Variants in ABI3BP observed in about 807,000 individuals in gnomAD.
The protein encoded by ABI3BP is target of Nesh-SH3.
ABI3BP carries 216 observed loss-of-function variants against 268.6 expected under a neutral mutation model. The ratio of observed to expected loss-of-function variants is 0.80; its 90% CI spans 0.72 to 0.90. The LOEUF is 0.90. Ranked by LOEUF, ABI3BP falls within the 40% of genes least tolerant of loss-of-function variation. The pLI is 0.00. For synonymous variants in ABI3BP, 730 were observed against 730.0 expected (o/e 1.00, Z 0.00); for missense variants, 2,090 against 2,182.4 (o/e 0.96, Z 0.84).
chr3:100,777,648 GT>G (rs2096745012), intron 59 of ABI3BP, among the ~76,000 whole-genome samples: 1 of 152,152 alleles, frequency 6.6e-6, no homozygotes, highest in Non-Finnish European at 1.5e-5. Flanking sequence ...GTCAGGGGAG[GT>G]TTTTAAAGAA....
chr3:100,982,072 A>G (rs573028243), intron 1 of ABI3BP, among the ~76,000 whole-genome samples: 8 of 152,314 alleles, frequency 5.3e-5, no homozygotes, highest in African/African-American at 1.9e-4. Context: ...GGCACAACTT[A>G]CATGGCAGCA....
intron 1 of ABI3BP, among the ~76,000 whole-genome samples, chr3:100,942,910 T>C (rs952422534): frequency 1.3e-5 from 2 of 152,140 alleles, no homozygotes; most frequent in Admixed American, 1.3e-4. Context: ...TTTACAGATA[T>C]TCAACACAGT....
intron 4 of ABI3BP, among the ~76,000 whole-genome samples, chr3:100,897,227 G>C (rs2048132986): frequency 6.6e-6 from 1 of 152,102 alleles, no homozygotes; most frequent in Non-Finnish European, 1.5e-5. Context: ...GGAGCAATCA[G>C]AGCTCTCCTA....
chr3:100,758,558 C>T (rs1297141513), intron 63 of ABI3BP, among the ~76,000 whole-genome samples: 2 of 151,996 alleles, frequency 1.3e-5, no homozygotes, highest in Non-Finnish European at 2.9e-5. Flanking sequence ...AGGGTATAGC[C>T]CACGGGTTAT....
chr3:100,869,861 C>T (rs1343487248), intron 9 of ABI3BP, among the ~76,000 whole-genome samples: 2 of 152,172 alleles, frequency 1.3e-5, no homozygotes, highest in Non-Finnish European at 2.9e-5. Context: ...TTCTTCTGTA[C>T]ATTTTTCCAT....
intron 35 of ABI3BP, 90 bp downstream of exon 35, chr3:100,825,695 A>G: frequency 4.1e-6 from 4 of 983,932 alleles, no homozygotes; most frequent in Admixed American, 4.0e-5. Flanking sequence ...AGAGGAAGAC[A>G]TGCCATGTTA....
chr3:100,943,723 G>C (rs2070679450), intron 1 of ABI3BP, among the ~76,000 whole-genome samples: 1 of 152,116 alleles, frequency 6.6e-6, no homozygotes, highest in African/African-American at 2.4e-5. Context: ...TTTGTTGCAT[G>C]CATCAGTAGC....
rs1259962801 is a variant in ABI3BP at position 100,916,687 on chromosome 3, A to T, written c.259+9615T>A. On this transcript the variant is annotated intron_variant, in intron 2 of 67. Coordinates refer to ENST00000471714, the MANE Select transcript of ABI3BP (RefSeq NM_001375547.2). ...AGCTAACTGGTTGATAAGAAGTGCC[A>T]CTCCAGCATTTGACCATCTATGTGC... Among the ~76,000 whole-genome samples, 3 of 152,128 alleles carry T rather than the reference A, an allele frequency of 2.0e-5. No individual in the cohort carries two copies. The East Asian group carries it at 5.8e-4, about 29-fold the overall frequency.
chr3:100,911,919 T>C (rs556893579), intron 2 of ABI3BP: 2 of 1,313,112 alleles, frequency 1.5e-6, no homozygotes, highest in African/African-American at 2.9e-5. Context: ...CTTTTTGACA[T>C]TGGAGAATAT....
intron 50 of ABI3BP, among the ~76,000 whole-genome samples, chr3:100,806,340 C>A (rs1296206994): frequency 1.3e-5 from 2 of 152,088 alleles, no homozygotes; most frequent in African/African-American, 4.8e-5. Context: ...GGACACTCTC[C>A]TGTCCAAATG....
chr3:100,958,284 G>A (rs1031176008), intron 1 of ABI3BP, among the ~76,000 whole-genome samples: 2 of 152,106 alleles, frequency 1.3e-5, no homozygotes, highest in Non-Finnish European at 2.9e-5. Flanking sequence ...AAATGAGAAG[G>A]AGAACAAAGA....
chr3:100,878,741 C>T (rs1341792449), intron 6 of ABI3BP, among the ~76,000 whole-genome samples: 2 of 152,122 alleles, frequency 1.3e-5, no homozygotes, highest in Admixed American at 6.6e-5. Flanking sequence ...ACTCTGCACT[C>T]ACTCACGAGC....
At chr3:100,751,277 A>G (rs1051561058) in intron 67 of ABI3BP, among the ~76,000 whole-genome samples, 2 of 152,222 alleles carry the variant, frequency 1.3e-5, no homozygotes, top group Non-Finnish European at 2.9e-5. Flanking sequence ...TAACATTAAT[A>G]AATGAGTGAT....
In ABI3BP at chr3:100,850,699, T is replaced by C. The variant is rs373134422; in HGVS notation, c.1387A>G (p.Lys463Glu). 1.9e-6 allele frequency: 3 copies of C among 1,613,278 alleles called. No homozygotes were observed. Among genetic ancestry groups the C allele is most frequent in the African/African-American group, 2.7e-5 (2 of 74,904 alleles). Reference sequence around the variant, plus strand: ...GGCTGTTCAAGAGTTCTAGAAGTTTTAGGTGGGATAGAATCCAGAATACGA... The same window carrying C: ...GGCTGTTCAAGAGTTCTAGAAGTTTCAGGTGGGATAGAATCCAGAATACGA... ...SDRILDSIPP[K>E]TSRTLEQPRA... Residue 463 changes from lysine to glutamate, a missense_variant, in exon 16 of 68, where the codon AAA becomes GAA. Transcript: ENST00000471714.
intron 1 of ABI3BP, among the ~76,000 whole-genome samples, chr3:100,956,032 A>G (rs981293867): frequency 1.6e-4 from 25 of 151,954 alleles, no homozygotes; most frequent in Non-Finnish European, 1.5e-5. Flanking sequence ...TACTAAAAAT[A>G]CAAAAATTAG....
chr3:100,888,365 AT>A (rs1300323654), intron 4 of ABI3BP, among the ~76,000 whole-genome samples: 4 of 151,998 alleles, frequency 2.6e-5, no homozygotes, highest in South Asian at 4.1e-4. Flanking sequence ...TTTTATTGTT[AT>A]TTTTTCCCCG....
At chr3:100,959,676 G>A (rs2713786) in intron 1 of ABI3BP, among the ~76,000 whole-genome samples, 131,580 of 151,818 alleles carry the variant, frequency 0.87, 57,120 homozygotes, top group East Asian at 1. Context: ...AAGATCCAAA[G>A]CTGAGGGTAG....
chr3:100,763,454 ACT>A (rs1352704405), intron 63 of ABI3BP, among the ~76,000 whole-genome samples: 1 of 148,812 alleles, frequency 6.7e-6, no homozygotes, highest in Non-Finnish European at 1.5e-5. Context: ...CAAGAGCAAG[ACT>A]CTGTCTCAAA....
At position 100,864,912 on chromosome 3, in the gene ABI3BP, A is replaced by C; in HGVS notation, c.989-5T>G. 6.3e-7 allele frequency: 1 copy of C among 1,598,370 alleles called. No individual in the cohort carries two copies. Among genetic ancestry groups the C allele is most frequent in the Non-Finnish European group, 8.5e-7 (1 of 1,172,582 alleles). The stretch of plus-strand genomic sequence containing the variant: ...TTGGAACTGTTTCAGGAGTCACTGA[A>C]AGGTAAAAAGCACAACTTTACAAAT... On this transcript the variant is annotated splice_polypyrimidine_tract_variant and splice_region_variant and intron_variant, in intron 10 of 67. Coordinates refer to ENST00000471714, the MANE Select transcript of ABI3BP (RefSeq NM_001375547.2).
Sources: gnomAD v4.1 joint callset for allele counts (sites outside exome capture counted in the v4.1 genomes callset) on GRCh38, gnomAD v4.1.1 for gene constraint, MANE v1.5 for transcripts, NCBI Gene and HGNC (gene_info 2026-07-23, HGNC 2026-07-21) for gene names.